Variants in VWA8 observed in about 807,000 individuals in gnomAD.
VWA8 encodes von Willebrand factor A domain-containing protein 8.
A neutral mutation model predicts 241.5 loss-of-function variants in VWA8; 221 were observed. The ratio of observed to expected loss-of-function variants is 0.91; its 90% CI spans 0.82 to 1.02. The LOEUF is 1.02. Ranked by LOEUF, VWA8 falls within the 50% of genes least tolerant of loss-of-function variation. The pLI, the probability that VWA8 is intolerant of heterozygous loss-of-function variation, is 0.00. For missense variants in VWA8, 2,322 were observed against 2,328.7 expected, an observed-to-expected ratio of 1.00 and a Z score of 0.06; for synonymous variants, 852 against 827.1, an observed-to-expected ratio of 1.03 and a Z score of -0.52.
intron 12 of VWA8, among the ~76,000 whole-genome samples, chr13:41,859,762 CTG>C (rs1872924590): frequency 6.6e-6 from 1 of 152,174 alleles, no homozygotes; most frequent in Non-Finnish European, 1.5e-5. Flanking sequence ...TGCCTCAAAT[CTG>C]TGTTAAAGCT....
chr13:41,871,445 T>C (rs1315124486), intron 9 of VWA8, among the ~76,000 whole-genome samples: 2 of 152,158 alleles, frequency 1.3e-5, no homozygotes, highest in Non-Finnish European at 2.9e-5. Flanking sequence ...CCCAATGCTA[T>C]CCCTCCCCAC....
At chr13:41,785,600 T>G (rs1454627312) in intron 18 of VWA8, among the ~76,000 whole-genome samples, 3 of 152,148 alleles carry the variant, frequency 2.0e-5, no homozygotes, top group African/African-American at 7.2e-5. Context: ...TAAAAATAAT[T>G]GTCATCCTGT....
chr13:41,690,112 A>G (rs1593698796), intron 33 of VWA8, 54 bp downstream of exon 33: 8 of 1,480,992 alleles, frequency 5.4e-6, no homozygotes, highest in East Asian at 4.6e-5. Flanking sequence ...AGAAGACAGT[A>G]TATGTACAAG....
rs561419174 is a variant in VWA8 at position 41,851,419 on chromosome 13, T to C, written c.1425+14317A>G. On this transcript the variant is annotated intron_variant, in intron 12 of 44. Coordinates refer to ENST00000379310, the MANE Select transcript of VWA8 (RefSeq NM_015058.2). ...TATTGCAAATGACAGTGATATGGTT[T>C]GGCTATGTGCCCTTCAAATCTCAAC... Among the ~76,000 whole-genome samples the C allele has an allele frequency of 6.6e-5, 10 of 152,376 alleles. No homozygotes were observed. The East Asian group carries it at 1.9e-3, about 29-fold the overall frequency.
At chr13:41,845,396 G>A (rs889252919) in intron 12 of VWA8, among the ~76,000 whole-genome samples, 2 of 152,084 alleles carry the variant, frequency 1.3e-5, no homozygotes, top group African/African-American at 4.8e-5. Flanking sequence ...AGCCACTGTG[G>A]AAAGCAGTTT....
chr13:41,572,421 A>G (rs1266127067), intron 43 of VWA8, among the ~76,000 whole-genome samples: 6 of 152,258 alleles, frequency 3.9e-5, no homozygotes, highest in Non-Finnish European at 8.8e-5. Context: ...AGAAGTAGAC[A>G]TGGGAGACTC....
intron 37 of VWA8, among the ~76,000 whole-genome samples, chr13:41,635,891 G>A (rs1435344333): frequency 2.6e-5 from 4 of 152,136 alleles, no homozygotes; most frequent in Admixed American, 2.6e-4. Flanking sequence ...TGAGTTAGAA[G>A]TGATTAAGTG....
intron 10 of VWA8, among the ~76,000 whole-genome samples, chr13:41,866,389 G>A (rs1465112415): frequency 2.7e-5 from 4 of 146,102 alleles, no homozygotes; most frequent in Non-Finnish European, 3.0e-5. Context: ...GTGTGTGTGT[G>A]CGCGTGTGTG....
intron 2 of VWA8, among the ~76,000 whole-genome samples, chr13:41,914,657 A>G (rs1876169297): frequency 6.6e-6 from 1 of 152,212 alleles, no homozygotes; most frequent in Non-Finnish European, 1.5e-5. Flanking sequence ...TAAAAACTTA[A>G]AAACACTTTG....
intron 44 of VWA8, among the ~76,000 whole-genome samples, chr13:41,569,882 A>G (rs1375485312): frequency 6.6e-6 from 1 of 152,130 alleles, no homozygotes; most frequent in Non-Finnish European, 1.5e-5. Context: ...GTATCTAACT[A>G]TATGTATATT....
chr13:41,636,493 A>T (rs1055749732), intron 37 of VWA8, among the ~76,000 whole-genome samples: 2 of 152,186 alleles, frequency 1.3e-5, no homozygotes, highest in East Asian at 1.9e-4. Context: ...AACCTAGGCA[A>T]TACCATTCAG....
At position 41,690,136 on chromosome 13, in the gene VWA8, A is replaced by G. The variant is rs201387260; in HGVS notation, c.3976+30T>C. On this transcript the variant is annotated intron_variant, in intron 33 of 44. Coordinates refer to ENST00000379310, the MANE Select transcript of VWA8 (RefSeq NM_015058.2). ...TATATGTACAAGCATGCACTCACAC[A>G]GCCATAAACACAGATGACATAGTAT... is the stretch of plus-strand genomic sequence containing the variant. 3.2e-4 allele frequency: 507 copies of G among 1,582,954 alleles called. 4 individuals carry two copies. The highest frequency in any genetic ancestry group is 2.2e-5 in the Non-Finnish European group (25 of 1,155,168).
intron 20 of VWA8, among the ~76,000 whole-genome samples, chr13:41,770,053 C>T (rs993392364): frequency 6.6e-6 from 1 of 152,068 alleles, no homozygotes; most frequent in African/African-American, 2.4e-5. Context: ...TCTTGAAAGT[C>T]GGCAGAATTT....
Position 41,729,596 on chromosome 13 carries a change from T to G in VWA8, c.2584A>C (p.Thr862Pro). 3.1e-6 allele frequency: 5 copies of G among 1,612,634 alleles called. No individual in the cohort carries two copies. Among genetic ancestry groups the G allele is most frequent in the Non-Finnish European group, 4.2e-6 (5 of 1,179,342 alleles). The change falls in exon 23 of 45, where the codon ACT becomes CCT. Residue 862 changes from threonine (T) to proline (P), a missense_variant. Physicochemically the swap from Thr to Pro is conservative, Grantham distance 38. Coordinates refer to ENST00000379310, the MANE Select transcript of VWA8 (RefSeq NM_015058.2). ...ATCATTTCTCCATTTTCTACTAGAGTTTTTAAAATACACGTGACATTTGTT... is the reference window on the plus strand; with the variant it reads ...ATCATTTCTCCATTTTCTACTAGAGGTTTTAAAATACACGTGACATTTGTT... ...APTNVTCILK[T>P]LVENGEMILA... is the part of the protein sequence containing the mutation.
intron 37 of VWA8, among the ~76,000 whole-genome samples, chr13:41,656,477 G>C (rs929395386): frequency 3.3e-5 from 5 of 152,126 alleles, no homozygotes; most frequent in African/African-American, 1.2e-4. Context: ...TATGCTACCA[G>C]AACACTGTCA....
In VWA8 at chr13:41,671,069, T is replaced by G; in HGVS notation, c.4488A>C (p.Lys1496Asn). ...DTDALLAEWD[K>N]SGVVTVDMGG... ...CCATATCAACAGTAACAACACCGCT[T>G]TTGTCCCACTCAGCCAGCAGTGCAT... is the stretch of plus-strand genomic sequence containing the variant. Residue 1496 changes from lysine to asparagine, a missense_variant, in exon 37 of 45, where the codon AAA becomes AAC. Physicochemically the swap from Lys to Asn is moderately conservative, Grantham distance 94 (BLOSUM62 0). Transcript: ENST00000379310. The G allele has an allele frequency of 2.5e-6, 4 of 1,613,934 alleles. No homozygotes were observed. The highest frequency in any genetic ancestry group is 2.5e-6 in the Non-Finnish European group (3 of 1,179,888).
At chr13:41,590,372 TG>T (rs1408571386) in intron 41 of VWA8, among the ~76,000 whole-genome samples, 1 of 152,208 alleles carries the variant, frequency 6.6e-6, no homozygotes, top group African/African-American at 2.4e-5. Context: ...CCCTTATTTT[TG>T]TAAATAGTCT....
intron 12 of VWA8, among the ~76,000 whole-genome samples, chr13:41,845,102 C>G (rs1441103978): frequency 6.6e-6 from 1 of 151,914 alleles, no homozygotes; most frequent in Non-Finnish European, 1.5e-5. Context: ...CAATCCTAAG[C>G]AAAAAGAACA....
chr13:41,657,234 C>T (rs2044912721), intron 37 of VWA8, among the ~76,000 whole-genome samples: 1 of 152,070 alleles, frequency 6.6e-6, no homozygotes, highest in South Asian at 2.1e-4. Context: ...AATGAAGCCA[C>T]CCCCGAGAAA....
Sources: gnomAD v4.1 joint callset for allele counts (sites outside exome capture counted in the v4.1 genomes callset) on GRCh38, gnomAD v4.1.1 for gene constraint, MANE v1.5 for transcripts, NCBI Gene and HGNC (gene_info 2026-07-23, HGNC 2026-07-21) for gene names.